The following GPR158 variants were observed in gnomAD, a reference collection of about 807,000 sequenced individuals.
GPR158 encodes the protein metabotropic glycine receptor.
A neutral mutation model predicts 78.2 loss-of-function variants in GPR158; 30 were observed. The ratio of observed to expected loss-of-function variants is 0.38; its 90% CI spans 0.29 to 0.52. GPR158 has a LOEUF of 0.52. GPR158 is among the 20% of genes least tolerant of loss of function. The pLI, the probability that GPR158 is intolerant of heterozygous loss-of-function variation, is 0.83. For missense variants in GPR158, 1,463 were observed against 1,523.5 expected, an observed-to-expected ratio of 0.96 and a Z score of 0.66; for synonymous variants, 581 against 591.1, an observed-to-expected ratio of 0.98 and a Z score of 0.25.
At chr10:25,452,748 A>G (rs1446135683) in intron 4 of GPR158, among the ~76,000 whole-genome samples, 1 of 152,240 alleles carries the variant, frequency 6.6e-6, no homozygotes, top group Non-Finnish European at 1.5e-5. Flanking sequence ...ACATAAGGAT[A>G]TGATATACAT....
chr10:25,443,171 A>G (rs1473017561), intron 4 of GPR158, among the ~76,000 whole-genome samples: 1 of 152,090 alleles, frequency 6.6e-6, no homozygotes, highest in Non-Finnish European at 1.5e-5. Flanking sequence ...TGCAGCTTCA[A>G]ATTCCTGGGT....
At position 25,252,107 on chromosome 10, in the gene GPR158, A is replaced by G. The variant is rs1228297972; in HGVS notation, c.1008+30950A>G. Among the ~76,000 whole-genome samples, 55 of 152,028 alleles carry G rather than the reference A, an allele frequency of 3.6e-4. 1 individual carries two copies. Among genetic ancestry groups the G allele is most frequent in the Middle Eastern group, 3.4e-3 (1 of 294 alleles). ...ACCCTTTCTTCCAGTTGATCGCATC[A>G]GCTCCTGAGGCTTCTGCATTCTTCA... On this transcript the variant is annotated intron_variant, in intron 2 of 10. Transcript: ENST00000376351.
intron 4 of GPR158, among the ~76,000 whole-genome samples, chr10:25,413,402 T>C (rs967121382): frequency 3.9e-5 from 6 of 152,204 alleles, no homozygotes; most frequent in Admixed American, 3.3e-4. Flanking sequence ...TGTTAAAATA[T>C]GCAGGACAAA....
At chr10:25,340,750 A>G (rs902813376) in intron 2 of GPR158, among the ~76,000 whole-genome samples, 1 of 152,050 alleles carries the variant, frequency 6.6e-6, no homozygotes, top group African/African-American at 2.4e-5. Flanking sequence ...AGAAATTACA[A>G]TCTATGTGTT....
chr10:25,283,050 T>C lies in GPR158; in HGVS notation c.1008+61893T>C, dbSNP rs1242864160. ...ATGACTGGGGAAGTGTTTTATCCCT[T>C]TTATTCTGTGGAAGAGATTTTGTAG... On this transcript the variant is annotated intron_variant, in intron 2 of 10. Coordinates refer to ENST00000376351, the MANE Select transcript of GPR158 (RefSeq NM_020752.3). Among the ~76,000 whole-genome samples the C allele has an allele frequency of 2.6e-5, 4 of 152,206 alleles. No individual in the cohort carries two copies. In the East Asian group the frequency reaches 5.8e-4, roughly 22 times the overall value.
At chr10:25,232,717 A>T (rs1176560940) in intron 2 of GPR158, among the ~76,000 whole-genome samples, 1 of 152,192 alleles carries the variant, frequency 6.6e-6, no homozygotes, top group Non-Finnish European at 1.5e-5. Flanking sequence ...AAGTATTGAG[A>T]TCACTTGAAA....
At chr10:25,372,715 G>T (rs1479825660) in intron 2 of GPR158, among the ~76,000 whole-genome samples, 8 of 109,124 alleles carry the variant, frequency 7.3e-5, no homozygotes, top group Non-Finnish European at 1.3e-4. Context: ...TTGTGGGGTG[G>T]GGGGAGGGGG....
At chr10:25,501,979 A>G (rs1835950490) in intron 5 of GPR158, among the ~76,000 whole-genome samples, 1 of 152,082 alleles carries the variant, frequency 6.6e-6, no homozygotes, top group South Asian at 2.1e-4. Flanking sequence ...TACATACACC[A>G]TACCAGGGAA....
At chr10:25,368,955 G>C (rs1226702627) in intron 2 of GPR158, among the ~76,000 whole-genome samples, 1 of 58,314 alleles carries the variant, frequency 1.7e-5, no homozygotes, top group Non-Finnish European at 4.6e-5. Context: ...GTTCACTCAT[G>C]ATTTGGCTCT....
At chr10:25,485,365 A>G (rs1304329340) in intron 5 of GPR158, among the ~76,000 whole-genome samples, 2 of 152,086 alleles carry the variant, frequency 1.3e-5, no homozygotes, top group Non-Finnish European at 2.9e-5. Context: ...AAAAGAAGAG[A>G]AATATAAAGA....
intron 2 of GPR158, among the ~76,000 whole-genome samples, chr10:25,389,941 T>A (rs966463342): frequency 6.6e-6 from 1 of 152,158 alleles, no homozygotes; most frequent in South Asian, 2.1e-4. Flanking sequence ...TGGGAGGTAA[T>A]TGAATCATGG....
At chr10:25,285,004 T>C (rs773641448) in intron 2 of GPR158, among the ~76,000 whole-genome samples, 8 of 152,024 alleles carry the variant, frequency 5.3e-5, no homozygotes, top group Non-Finnish European at 1.2e-4. Flanking sequence ...ATCTTTTAGA[T>C]AATATACAAA....
intron 5 of GPR158, among the ~76,000 whole-genome samples, chr10:25,541,973 A>ATTTT (rs1836593917): frequency 6.8e-6 from 1 of 147,542 alleles, no homozygotes; most frequent in Non-Finnish European, 1.5e-5. Context: ...TATATATTAT[A>ATTTT]ATTATAAATT....
intron 4 of GPR158, among the ~76,000 whole-genome samples, chr10:25,456,558 G>T (rs1269528510): frequency 6.6e-6 from 1 of 152,130 alleles, no homozygotes; most frequent in Non-Finnish European, 1.5e-5. Flanking sequence ...TTTTGCCTAG[G>T]TGTGAGCAGT....
intron 2 of GPR158, among the ~76,000 whole-genome samples, chr10:25,381,922 C>T (rs1344065170): frequency 1.3e-5 from 2 of 152,136 alleles, no homozygotes; most frequent in African/African-American, 4.8e-5. Context: ...TTTTTGCTTG[C>T]GGGTTTTAAG....
At chr10:25,555,291 G>T (rs892034330) in intron 6 of GPR158, among the ~76,000 whole-genome samples, 2 of 152,070 alleles carry the variant, frequency 1.3e-5, no homozygotes, top group Non-Finnish European at 2.9e-5. Flanking sequence ...GGATGGCATT[G>T]AATCTATAAG....
At chr10:25,590,826 AAATT>A (rs1426876530) in intron 8 of GPR158, among the ~76,000 whole-genome samples, 10 of 152,282 alleles carry the variant, frequency 6.6e-5, no homozygotes, top group Admixed American at 5.2e-4. Context: ...TTTTAGAAAA[AAATT>A]AATTGTCCAA....
At chr10:25,333,080 C>T (rs1855149430) in intron 2 of GPR158, among the ~76,000 whole-genome samples, 1 of 152,104 alleles carries the variant, frequency 6.6e-6, no homozygotes, top group African/African-American at 2.4e-5. Flanking sequence ...ATCATAGAGT[C>T]TTACCAACGA....
chr10:25,329,454 A>G (rs1855087934), intron 2 of GPR158, among the ~76,000 whole-genome samples: 1 of 150,904 alleles, frequency 6.6e-6, no homozygotes, highest in Admixed American at 6.6e-5. Flanking sequence ...AAAAAAAAAG[A>G]AGATGCATTT....
Sources: gnomAD v4.1 joint callset for allele counts (sites outside exome capture counted in the v4.1 genomes callset) on GRCh38, gnomAD v4.1.1 for gene constraint, MANE v1.5 for transcripts, NCBI Gene and HGNC (gene_info 2026-07-23, HGNC 2026-07-21) for gene names.